The following FSHR variants were observed in gnomAD, a reference collection of about 807,000 sequenced individuals.
FSHR encodes follicle-stimulating hormone receptor.
A neutral mutation model predicts 52.1 loss-of-function variants in FSHR; 46 were observed. The observed-to-expected ratio is 0.88, with a 90% CI of 0.70 to 1.13. FSHR has a LOEUF of 1.13. FSHR is among the 50% of genes most tolerant of loss of function. The pLI is 0.00. For synonymous variants in FSHR, 399 were observed against 309.6 expected (o/e 1.29, Z -3.03); for missense variants, 964 against 834.6 (o/e 1.16, Z -1.91).
chr2:49,003,565 T>C (rs996902807), intron 4 of FSHR, among the ~76,000 whole-genome samples: 8 of 152,174 alleles, frequency 5.3e-5, no homozygotes, highest in African/African-American at 1.7e-4. Context: ...CAGGATCTTA[T>C]CGCCTAAGAA....
intron 2 of FSHR, among the ~76,000 whole-genome samples, chr2:49,048,014 G>A (rs546975349): frequency 2.0e-5 from 3 of 152,192 alleles, no homozygotes; most frequent in East Asian, 1.9e-4. Flanking sequence ...AAGTAATTGG[G>A]TTTACAGGTG....
At chr2:49,064,634 A>C (rs1018503398) in intron 2 of FSHR, among the ~76,000 whole-genome samples, 1 of 152,112 alleles carries the variant, frequency 6.6e-6, no homozygotes, top group African/African-American at 2.4e-5. Flanking sequence ...ATACCAGGGA[A>C]AGATTGTGGT....
At chr2:49,051,920 T>A (rs1668874365) in intron 2 of FSHR, among the ~76,000 whole-genome samples, 1 of 152,170 alleles carries the variant, frequency 6.6e-6, no homozygotes, top group Non-Finnish European at 1.5e-5. Context: ...GATACAAAGT[T>A]GATTCAGCAT....
intron 5 of FSHR, among the ~76,000 whole-genome samples, chr2:48,989,443 C>A (rs1237696486): frequency 6.6e-6 from 1 of 151,976 alleles, no homozygotes; most frequent in Non-Finnish European, 1.5e-5. Flanking sequence ...CCACCATACC[C>A]AGCTAATTTT....
At chr2:49,033,322 A>C (rs1668166421) in intron 2 of FSHR, among the ~76,000 whole-genome samples, 1 of 152,096 alleles carries the variant, frequency 6.6e-6, no homozygotes, top group Non-Finnish European at 1.5e-5. Flanking sequence ...TAACCTAAAG[A>C]TATGTCTTAT....
Position 48,983,141 on chromosome 2 carries a change from CT to C in FSHR, c.549del (p.Glu184LysfsTer12). On this transcript the variant is annotated frameshift_variant, in exon 7 of 10. Transcript: ENST00000406846. LOFTEE classifies it high-confidence loss of function. ...VILWLNKNGIQEIHNCAFNGT... is the reference protein window; with the variant it reads ...VILWLNKNGIXEIHNCAFNGT... The stretch of plus-strand genomic sequence containing the variant: ...CCATTGAATGCACAGTTGTGTATTT[CT>C]TGAATCCCATTCTTATTCAGCCATC... The C allele has an allele frequency of 6.2e-7, 1 of 1,614,014 alleles. No homozygotes were observed.
At chr2:49,150,747 G>T (rs184990408) in intron 1 of FSHR, among the ~76,000 whole-genome samples, 570 of 152,074 alleles carry the variant, frequency 3.7e-3, no homozygotes, top group Admixed American at 0.01. Flanking sequence ...CTTTCTCCAT[G>T]GTGCCATGGT....
At position 49,043,445 on chromosome 2, in the gene FSHR, T is replaced by C. The variant is rs559119646; in HGVS notation, c.225-23285A>G. On this transcript the variant is annotated intron_variant, in intron 2 of 9. Coordinates refer to ENST00000406846, the MANE Select transcript of FSHR (RefSeq NM_000145.4). Reference sequence around the variant, plus strand: ...AATTAGGCTGAGATAAATGGGCACATATAAATCTCACATTTCTCTGGTTCC... The same window carrying C: ...AATTAGGCTGAGATAAATGGGCACACATAAATCTCACATTTCTCTGGTTCC... 7.3e-4 allele frequency among the ~76,000 whole-genome samples: 111 copies of C among 152,300 alleles called. 1 individual carries two copies. In the South Asian group the frequency reaches 0.014, roughly 19 times the overall value.
Position 49,031,238 on chromosome 2 carries a change from G to A in FSHR, c.225-11078C>T, listed in dbSNP as rs183247781. Among the ~76,000 whole-genome samples the A allele has an allele frequency of 5.3e-5, 8 of 152,290 alleles. No individual in the cohort carries two copies. The East Asian group carries it at 1.2e-3, about 22-fold the overall frequency. On this transcript the variant is annotated intron_variant, in intron 2 of 9. Transcript: ENST00000406846. ...CCAGATCTCATTCCTCATGTTAGCA[G>A]CTTCTGAAGGGGTCCTCTGTACCCC... is the stretch of plus-strand genomic sequence containing the variant.
At chr2:49,035,513 G>C (rs1668243280) in intron 2 of FSHR, among the ~76,000 whole-genome samples, 1 of 152,174 alleles carries the variant, frequency 6.6e-6, no homozygotes, top group Admixed American at 6.5e-5. Context: ...TACCTTGGCT[G>C]TAACCACCCC....
At chr2:49,020,506 C>A (rs1446060444) in intron 2 of FSHR, among the ~76,000 whole-genome samples, 1 of 117,332 alleles carries the variant, frequency 8.5e-6, no homozygotes, top group East Asian at 2.6e-4. Context: ...GGTCAGTAAA[C>A]ATTTTTTTTT....
intron 9 of FSHR, among the ~76,000 whole-genome samples, chr2:48,967,392 C>G (rs1252178983): frequency 6.6e-6 from 1 of 152,146 alleles, no homozygotes; most frequent in African/African-American, 2.4e-5. Context: ...AGCCACCTTG[C>G]CTGGCCAATC....
Position 49,020,141 on chromosome 2 carries a change from C to T in FSHR, c.244G>A (p.Val82Ile). ...ACATCTGCCTCTATCACCTCCAAGA[C>T]ATCATTCTGAGAGATCTCTCTGTGG... ...LEKIEISQND[V>I]LEVIEADVFS... Residue 82 changes from valine to isoleucine, a missense_variant, in exon 3 of 10, where the codon GTC becomes ATC. By Grantham distance (29) the Val-to-Ile change is conservative (BLOSUM62 3). Transcript: ENST00000406846. 1.2e-6 allele frequency: 2 copies of T among 1,613,534 alleles called. No individual in the cohort carries two copies. Among genetic ancestry groups the T allele is most frequent in the East Asian group, 2.2e-5 (1 of 44,874 alleles).
chr2:48,994,882 T>C (rs1196876449), intron 4 of FSHR, among the ~76,000 whole-genome samples: 1 of 152,178 alleles, frequency 6.6e-6, no homozygotes, highest in Non-Finnish European at 1.5e-5. Flanking sequence ...GATGTTAGCA[T>C]CTTTCATGCC....
At chr2:49,074,141 G>C (rs765429491) in intron 1 of FSHR, among the ~76,000 whole-genome samples, 1 of 151,998 alleles carries the variant, frequency 6.6e-6, no homozygotes. Context: ...GGTTTTATGA[G>C]TAAGACTTCA....
At chr2:49,042,365 G>T (rs1370279179) in intron 2 of FSHR, among the ~76,000 whole-genome samples, 1 of 152,086 alleles carries the variant, frequency 6.6e-6, no homozygotes, top group African/African-American at 2.4e-5. Flanking sequence ...GAAGATTTTT[G>T]CATGCTAAAG....
Position 49,023,024 on chromosome 2 carries a change from A to T in FSHR, c.225-2864T>A, listed in dbSNP as rs72877811. Among the ~76,000 whole-genome samples the T allele has an allele frequency of 3.6e-3, 553 of 152,288 alleles. 4 individuals carry two copies. Among genetic ancestry groups the T allele is most frequent in the African/African-American group, 0.013 (540 of 41,560 alleles). On this transcript the variant is annotated intron_variant, in intron 2 of 9. Transcript: ENST00000406846. ...TTTGTACTGCAAGGTTCTTTAGGGA[A>T]ATAGTAATAATATGCTACCAGACTT...
intron 2 of FSHR, among the ~76,000 whole-genome samples, chr2:49,062,425 A>G: frequency 6.6e-6 from 1 of 152,198 alleles, no homozygotes. Context: ...AAAATGGATT[A>G]AAGACTAAAA....
chr2:49,040,583 T>C (rs536741186), intron 2 of FSHR, among the ~76,000 whole-genome samples: 10 of 152,114 alleles, frequency 6.6e-5, no homozygotes, highest in Non-Finnish European at 1.3e-4. Flanking sequence ...AAGGAATAAA[T>C]GTGAAATGGT....
Sources: allele counts gnomAD v4.1 joint callset (sites outside exome capture counted in the v4.1 genomes callset), GRCh38; gene constraint gnomAD v4.1.1; transcripts MANE v1.5; gene names NCBI Gene and HGNC (gene_info 2026-07-23, HGNC 2026-07-21).